PTPRT: variants seen among roughly 807,000 people sequenced by gnomAD.
PTPRT encodes the protein protein tyrosine phosphatase receptor type T, also known as receptor-type tyrosine-protein phosphatase T.
In PTPRT, 56 loss-of-function variants were observed where a neutral mutation model predicts 176.8. The ratio of observed to expected loss-of-function variants is 0.32; its 90% confidence interval spans 0.26 to 0.40. PTPRT has a LOEUF of 0.40. PTPRT is among the 10% of genes least tolerant of loss of function. PTPRT has a pLI of 1.00. For synonymous variants in PTPRT, 783 were observed against 739.0 expected, an observed-to-expected ratio of 1.06 and a Z score of -0.96; for missense variants, 1,540 against 1,908.2, an observed-to-expected ratio of 0.81 and a Z score of 3.60.
At chr20:43,181,722 AC>A (rs1443781492) in intron 1 of PTPRT, among the ~76,000 whole-genome samples, 1 of 152,222 alleles carries the variant, frequency 6.6e-6, no homozygotes, top group Non-Finnish European at 1.5e-5. Context: ...CAGTGTTCAA[AC>A]AAAACACCAA....
intron 1 of PTPRT, among the ~76,000 whole-genome samples, chr20:42,890,473 C>T (rs374291426): frequency 6.6e-6 from 1 of 152,124 alleles, no homozygotes; most frequent in East Asian, 1.9e-4. Flanking sequence ...TGCAATGAAC[C>T]TTCCACTTGT....
At chr20:42,803,372 CT>C (rs1300993789) in intron 2 of PTPRT, among the ~76,000 whole-genome samples, 2 of 152,280 alleles carry the variant, frequency 1.3e-5, no homozygotes, top group East Asian at 3.9e-4. Flanking sequence ...TTGAGAACCA[CT>C]TTTTTTCCCC....
chr20:42,219,498 C>T (rs922870963), intron 15 of PTPRT, among the ~76,000 whole-genome samples: 2 of 152,192 alleles, frequency 1.3e-5, no homozygotes, highest in African/African-American at 4.8e-5. Context: ...TCCCTTTCAA[C>T]CTGACCCAGT....
Position 42,577,628 on chromosome 20 carries a change from C to T in PTPRT, c.1153+100238G>A, listed in dbSNP as rs77236621. Among the ~76,000 whole-genome samples, 1,404 of 152,270 alleles carry T rather than the reference C, an allele frequency of 9.2e-3. 17 individuals carry two copies. Among genetic ancestry groups the T allele is most frequent in the Middle Eastern group, 0.024 (7 of 294 alleles). On this transcript the variant is annotated intron_variant, in intron 7 of 30. Transcript: ENST00000373187. The stretch of plus-strand genomic sequence containing the variant: ...AGTGATTGTGGTTAAACTGGGCTAA[C>T]GGTGACTGCCTAGACTGCTTTCTCC...
At chr20:42,912,396 A>G (rs1287381655) in intron 1 of PTPRT, among the ~76,000 whole-genome samples, 2 of 152,202 alleles carry the variant, frequency 1.3e-5, no homozygotes, top group African/African-American at 4.8e-5. Context: ...CACTCATTTT[A>G]TGATTGGACT....
At chr20:42,288,985 C>A (rs2057276609) in intron 12 of PTPRT, among the ~76,000 whole-genome samples, 1 of 151,870 alleles carries the variant, frequency 6.6e-6, no homozygotes, top group Non-Finnish European at 1.5e-5. Flanking sequence ...CACCTACAAC[C>A]AACTGATCTT....
chr20:42,057,239 G>A, the PTPRT span, among the ~76,000 whole-genome samples: 2 of 152,300 alleles, frequency 1.3e-5, no homozygotes, highest in South Asian at 4.1e-4. Context: ...CCTAAAGAAA[G>A]AAGGAGGGGA....
In PTPRT at chr20:42,080,439, C is replaced by T. The variant is rs1321974512; in HGVS notation, c.*440G>A. 8.4e-6 allele frequency: 2 copies of T among 237,188 alleles called. No individual in the cohort carries two copies. Among genetic ancestry groups the T allele is most frequent in the Non-Finnish European group, 8.3e-6 (1 of 120,998 alleles). The allele number at this position is 237,188 out of a possible 1,614,324, so 14.7% of individuals were successfully genotyped here. A position where few individuals can be genotyped will look rare whatever the true frequency, so the allele number is the denominator to read the frequency against. On this transcript the variant is annotated 3_prime_UTR_variant, in exon 31 of 31. Transcript: ENST00000373187. ...GCAGCAGAGCAGTGACCCCCAAGAG[C>T]CTCAATCTTTTCCATGACGTAGAGG...
intron 2 of PTPRT, among the ~76,000 whole-genome samples, chr20:42,842,734 A>G (rs1223264760): frequency 6.6e-6 from 1 of 152,186 alleles, no homozygotes; most frequent in Non-Finnish European, 1.5e-5. Flanking sequence ...TTTATTGATC[A>G]TAGTTCTTGA....
intron 1 of PTPRT, among the ~76,000 whole-genome samples, chr20:42,984,795 T>C (rs1463537630): frequency 6.6e-6 from 1 of 152,218 alleles, no homozygotes; most frequent in Non-Finnish European, 1.5e-5. Context: ...ATTCTCCTTG[T>C]ATGATGCCAG....
intron 7 of PTPRT, among the ~76,000 whole-genome samples, chr20:42,674,092 A>C (rs150272215): frequency 6.6e-6 from 1 of 152,320 alleles, no homozygotes; most frequent in Admixed American, 6.5e-5. Context: ...AAAGGAGGAA[A>C]ATCTCAGACT....
intron 9 of PTPRT, among the ~76,000 whole-genome samples, chr20:42,354,693 C>T (rs921024684): frequency 8.5e-5 from 13 of 152,190 alleles, no homozygotes; most frequent in Admixed American, 2.6e-4. Context: ...GCTGACATCA[C>T]TTATCTTCCA....
intron 27 of PTPRT, among the ~76,000 whole-genome samples, chr20:42,091,264 G>T (rs534013572): frequency 6.6e-6 from 1 of 152,288 alleles, no homozygotes; most frequent in South Asian, 2.1e-4. Flanking sequence ...GATGTCCTTG[G>T]GGGGTGCAAG....
chr20:43,106,410 C>T lies in PTPRT; in HGVS notation c.88+83236G>A, dbSNP rs2012605201. Among the ~76,000 whole-genome samples the T allele has an allele frequency of 3.3e-5, 5 of 152,150 alleles. No homozygotes were observed. In the South Asian group the frequency reaches 1.0e-3, roughly 32 times the overall value. On this transcript the variant is annotated intron_variant, in intron 1 of 30. Coordinates refer to ENST00000373187, the MANE Select transcript of PTPRT (RefSeq NM_007050.6). The stretch of plus-strand genomic sequence containing the variant: ...CAGTGGCTCACACCTGTAATGCCAG[C>T]ACTTTGGGAGGCCAAGGTGGGTGGA...
At chr20:42,494,755 C>G (rs1032663624) in intron 7 of PTPRT, among the ~76,000 whole-genome samples, 1 of 148,566 alleles carries the variant, frequency 6.7e-6, no homozygotes, top group African/African-American at 2.6e-5. Flanking sequence ...AGAATCATAG[C>G]TGGCATATAA....
At chr20:42,708,738 T>C (rs375786440) in intron 6 of PTPRT, among the ~76,000 whole-genome samples, 1 of 152,222 alleles carries the variant, frequency 6.6e-6, no homozygotes, top group Non-Finnish European at 1.5e-5. Flanking sequence ...ACATTATGAA[T>C]GTATTACTTA....
At chr20:42,445,557 G>A (rs767527026) in intron 9 of PTPRT, among the ~76,000 whole-genome samples, 1 of 152,092 alleles carries the variant, frequency 6.6e-6, no homozygotes, top group Admixed American at 6.6e-5. Context: ...CAATACAATG[G>A]CCTAAATCTA....
chr20:42,393,192 G>C (rs929520581), intron 9 of PTPRT, among the ~76,000 whole-genome samples: 1 of 152,182 alleles, frequency 6.6e-6, no homozygotes, highest in South Asian at 2.1e-4. Flanking sequence ...GAAGGCTGGG[G>C]GAAGGTGAGA....
At chr20:42,297,579 G>T (rs1388290781) in intron 12 of PTPRT, among the ~76,000 whole-genome samples, 1 of 152,132 alleles carries the variant, frequency 6.6e-6, no homozygotes. Context: ...GAAACTCACT[G>T]AAAAAGGAAA....
Sources: allele counts gnomAD v4.1 joint callset (sites outside exome capture counted in the v4.1 genomes callset), GRCh38; gene constraint gnomAD v4.1.1; transcripts MANE v1.5; gene names NCBI Gene and HGNC (gene_info 2026-07-23, HGNC 2026-07-21).